Variants in ZNF93 observed in about 807,000 individuals in gnomAD.
ZNF93 encodes the protein zinc finger protein 93, also known as zinc finger protein 505.
A neutral mutation model predicts 45.0 loss-of-function variants in ZNF93; 29 were observed. The ratio of observed to expected loss-of-function variants is 0.64; its 90% CI spans 0.48 to 0.88. The LOEUF is 0.88. ZNF93 is among the 40% of genes least tolerant of loss of function. The pLI, the probability that ZNF93 is intolerant of heterozygous loss-of-function variation, is 0.00. For missense variants in ZNF93, 578 were observed against 724.0 expected, an observed-to-expected ratio of 0.80 and a Z score of 2.31; for synonymous variants, 223 against 244.6, an observed-to-expected ratio of 0.91 and a Z score of 0.82.
intron 1 of ZNF93, among the ~76,000 whole-genome samples, chr19:19,906,772 T>C (rs985958796): frequency 3.3e-5 from 5 of 152,056 alleles, no homozygotes; most frequent in African/African-American, 1.2e-4. Context: ...GAGCACCATT[T>C]ATGAAATAAG....
chr19:19,921,658 T>C (rs2063342820), intron 3 of ZNF93, among the ~76,000 whole-genome samples: 2 of 152,118 alleles, frequency 1.3e-5, no homozygotes, highest in Non-Finnish European at 2.9e-5. Context: ...TTAGGATAGT[T>C]AGCTCTTCTT....
chr19:19,912,908 A>G (rs560589152), intron 1 of ZNF93, among the ~76,000 whole-genome samples: 1 of 152,376 alleles, frequency 6.6e-6, no homozygotes, highest in Non-Finnish European at 1.5e-5. Flanking sequence ...GTACCTGTGT[A>G]CATGTTCTTT....
Position 19,935,036 on chromosome 19 carries a change from C to T in ZNF93, c.*218C>T, listed in dbSNP as rs541589377. The T allele has an allele frequency of 7.2e-5, 38 of 531,020 alleles. 1 individual carries two copies. The East Asian group carries it at 1.1e-3, about 15-fold the overall frequency. The allele number at this position is 531,020 out of a possible 1,614,324, so 32.9% of individuals were successfully genotyped here. On this transcript the variant is annotated 3_prime_UTR_variant, in exon 4 of 4. Coordinates refer to ENST00000343769, the MANE Select transcript of ZNF93 (RefSeq NM_031218.4). The stretch of plus-strand genomic sequence containing the variant: ...TACGGTACCTGAAGTGGTTCAATGA[C>T]TCAGTTTCAGTTACCTGAGCCACAG...
At chr19:19,915,207 T>G (rs1280652363) in intron 1 of ZNF93, 73 bp from the exon 2 acceptor site, 1 of 1,609,246 alleles carries the variant, frequency 6.2e-7, no homozygotes, top group African/African-American at 1.3e-5. Context: ...CTTTACTCTC[T>G]CATTTCACCT....
chr19:19,917,941 TTTC>T (rs2063329413), intron 3 of ZNF93, among the ~76,000 whole-genome samples: 1 of 126,408 alleles, frequency 7.9e-6, no homozygotes, highest in East Asian at 2.0e-4. Flanking sequence ...TCCTTCCTTC[TTTC>T]TTTTTTTTTC....
At chr19:19,903,889 G>T (rs1343551537) in intron 1 of ZNF93, among the ~76,000 whole-genome samples, 1 of 151,804 alleles carries the variant, frequency 6.6e-6, no homozygotes, top group Non-Finnish European at 1.5e-5. Flanking sequence ...TGGCCAACGT[G>T]GTGGAACCCT....
intron 3 of ZNF93, among the ~76,000 whole-genome samples, chr19:19,929,457 A>G (rs2063365849): frequency 6.6e-6 from 1 of 152,190 alleles, no homozygotes; most frequent in Non-Finnish European, 1.5e-5. Context: ...GTTGCTATGT[A>G]TATCTCGCTT....
At chr19:19,918,702 G>T (rs927381397) in intron 3 of ZNF93, among the ~76,000 whole-genome samples, 11 of 152,206 alleles carry the variant, frequency 7.2e-5, no homozygotes, top group African/African-American at 2.4e-4. Context: ...CTGATGGCCA[G>T]TGATGATGAG....
In ZNF93 at chr19:19,916,556, A is replaced by G. The variant is rs1320342646; in HGVS notation, c.131-4A>G. Reference sequence around the variant, plus strand: ...ATTCATGTTATTTATTCTTAACAAAACAGGTATTGTTGTCTCTAAGCCAGA... The same window carrying G: ...ATTCATGTTATTTATTCTTAACAAAGCAGGTATTGTTGTCTCTAAGCCAGA... On this transcript the variant is annotated splice_polypyrimidine_tract_variant and splice_region_variant and intron_variant, in intron 2 of 3. Coordinates refer to ENST00000343769, the MANE Select transcript of ZNF93 (RefSeq NM_031218.4). 2.5e-6 allele frequency: 4 copies of G among 1,610,772 alleles called. No individual in the cohort carries two copies. Among genetic ancestry groups the G allele is most frequent in the Non-Finnish European group, 3.4e-6 (4 of 1,177,966 alleles).
At chr19:19,919,807 T>C (rs1407246492) in intron 3 of ZNF93, among the ~76,000 whole-genome samples, 1 of 152,240 alleles carries the variant, frequency 6.6e-6, no homozygotes, top group Non-Finnish European at 1.5e-5. Flanking sequence ...TGATTTTGTA[T>C]CCTGAGACTT....
Position 19,934,937 on chromosome 19 carries a change from C to G in ZNF93, c.*119C>G. On this transcript the variant is annotated 3_prime_UTR_variant, in exon 4 of 4. Transcript: ENST00000343769. ...TCCCAGGCACAGTCTGGCAGAGGTC[C>G]TGCCATTTCGGAGACCTGGAGGAAG... 1 of 1,179,786 alleles carries G rather than the reference C, an allele frequency of 8.5e-7. No homozygotes were observed. Among genetic ancestry groups the G allele is most frequent in the Non-Finnish European group, 1.2e-6 (1 of 856,664 alleles). The allele number at this position is 1,179,786 out of a possible 1,614,324, so 73.1% of individuals were successfully genotyped here.
chr19:19,919,326 A>C (rs2063335287), intron 3 of ZNF93, among the ~76,000 whole-genome samples: 1 of 152,174 alleles, frequency 6.6e-6, no homozygotes, highest in Non-Finnish European at 1.5e-5. Context: ...CTGTTTTGGT[A>C]CCAGTACCAT....
intron 1 of ZNF93, among the ~76,000 whole-genome samples, chr19:19,903,736 G>C (rs924436951): frequency 6.6e-6 from 1 of 151,792 alleles, no homozygotes; most frequent in African/African-American, 2.4e-5. Flanking sequence ...CAGCACTCCA[G>C]CTTGGCGACA....
rs1226077740 is a variant in ZNF93, at chr19:19,915,327, G to A, written c.51G>A (p.Glu17=). 6.2e-7 allele frequency: 1 copy of A among 1,614,088 alleles called. No individual in the cohort carries two copies. Among genetic ancestry groups the A allele is most frequent in the Non-Finnish European group, 8.5e-7 (1 of 1,179,986 alleles). ...RDVAIEFSLE[E]WHCLDTAQRN... ...TGGCCATAGAATTCTCTCTGGAGGA[G>A]TGGCATTGCCTGGACACTGCACAGC... Residue 17 remains glutamate, a synonymous_variant, in exon 2 of 4, where the codon GAG becomes GAA. Transcript: ENST00000343769.
chr19:19,905,773 C>T (rs79122954), intron 1 of ZNF93, among the ~76,000 whole-genome samples: 16 of 151,190 alleles, frequency 1.1e-4, no homozygotes, highest in Non-Finnish European at 1.6e-4. Flanking sequence ...TTTTTTTTTC[C>T]GTGGAGACAG....
At position 19,929,795 on chromosome 19, in the gene ZNF93, G is replaced by A. The variant is rs909250550; in HGVS notation, c.227-3387G>A. On this transcript the variant is annotated intron_variant, in intron 3 of 3. Transcript: ENST00000343769. The stretch of plus-strand genomic sequence containing the variant: ...CTACTAAAAATACAAAAAATTAGCC[G>A]GGCGTAGTGGCGGGCGCCTGTAGTC... 5.9e-5 allele frequency among the ~76,000 whole-genome samples: 9 copies of A among 151,262 alleles called. No homozygotes were observed. In the South Asian group the frequency reaches 8.4e-4, roughly 14 times the overall value.
intron 1 of ZNF93, among the ~76,000 whole-genome samples, chr19:19,914,466 A>C (rs1483035831): frequency 1.3e-5 from 2 of 152,214 alleles, no homozygotes; most frequent in Non-Finnish European, 2.9e-5. Context: ...TTTGGGAGGA[A>C]TATTTCAACA....
intron 1 of ZNF93, among the ~76,000 whole-genome samples, chr19:19,906,720 G>C (rs1024411141): frequency 6.6e-6 from 1 of 151,884 alleles, no homozygotes; most frequent in Non-Finnish European, 1.5e-5. Flanking sequence ...TGTAATGAAG[G>C]GGTCCAGTTT....
intron 3 of ZNF93, among the ~76,000 whole-genome samples, chr19:19,928,636 T>C (rs1426279915): frequency 6.6e-6 from 1 of 152,178 alleles, no homozygotes; most frequent in Non-Finnish European, 1.5e-5. Context: ...GTGATTGTTC[T>C]TTCACCTCAG....
Sources: allele counts gnomAD v4.1 joint callset (sites outside exome capture counted in the v4.1 genomes callset), GRCh38; gene constraint gnomAD v4.1.1; transcripts MANE v1.5; gene names NCBI Gene and HGNC (gene_info 2026-07-23, HGNC 2026-07-21).